Variants in BCL2 observed in about 807,000 individuals in gnomAD.
BCL2 encodes the protein apoptosis regulator Bcl-2.
Under a neutral mutation model 14.2 loss-of-function variants are expected in BCL2, and 1 was observed. That is an observed-to-expected ratio of 0.07 (90% CI 0.02 to 0.33). BCL2 has a LOEUF of 0.33. Ranked by LOEUF, BCL2 falls within the 10% of genes least tolerant of loss-of-function variation. BCL2 has a pLI of 0.99. For synonymous variants in BCL2, 151 were observed against 137.2 expected (o/e 1.10, Z -0.70); for missense variants, 247 against 305.9 (o/e 0.81, Z 1.44).
intron 2 of BCL2, among the ~76,000 whole-genome samples, chr18:63,268,512 G>GT (rs1568252718): frequency 6.6e-6 from 1 of 152,124 alleles, no homozygotes; most frequent in African/African-American, 2.4e-5. Context: ...CCCAGCTTCA[G>GT]TTTTTTTCAC....
chr18:63,152,290 C>T (rs576735708), intron 2 of BCL2, among the ~76,000 whole-genome samples: 3 of 152,304 alleles, frequency 2.0e-5, no homozygotes, highest in South Asian at 4.1e-4. Flanking sequence ...GGAGCAGAAT[C>T]GGAGCCTGCT....
chr18:63,295,886 C>T (rs1398008943), intron 2 of BCL2, among the ~76,000 whole-genome samples: 1 of 152,196 alleles, frequency 6.6e-6, no homozygotes, highest in Non-Finnish European at 1.5e-5. Flanking sequence ...GTGGGATCCA[C>T]CAACCTTGCT....
chr18:63,213,603 G>C (rs977143722), intron 2 of BCL2, among the ~76,000 whole-genome samples: 1 of 150,846 alleles, frequency 6.6e-6, no homozygotes, highest in Non-Finnish European at 1.5e-5. Context: ...TTGAGGCATT[G>C]TCTAATCCAC....
At chr18:63,163,885 C>G (rs1385440381) in intron 2 of BCL2, among the ~76,000 whole-genome samples, 1 of 152,336 alleles carries the variant, frequency 6.6e-6, no homozygotes, top group East Asian at 1.9e-4. Context: ...TCAGACTCTT[C>G]AGAGTCTGTG....
At chr18:63,268,622 G>T (rs372849825) in intron 2 of BCL2, among the ~76,000 whole-genome samples, 81 of 152,286 alleles carry the variant, frequency 5.3e-4, no homozygotes, top group African/African-American at 1.9e-3. Context: ...TTGGTTTCAC[G>T]ACAGTGTGGA....
chr18:63,225,587 T>C (rs1458386372), intron 2 of BCL2, among the ~76,000 whole-genome samples: 1 of 152,198 alleles, frequency 6.6e-6, no homozygotes, highest in African/African-American at 2.4e-5. Context: ...TTTGTGGTGA[T>C]GAAGCAGGAT....
chr18:63,143,265 G>A (rs186022831), intron 2 of BCL2, among the ~76,000 whole-genome samples: 6 of 152,360 alleles, frequency 3.9e-5, no homozygotes, highest in African/African-American at 1.4e-4. Context: ...GAAGCTGAAA[G>A]CAATCATGGA....
At chr18:63,219,013 G>T (rs1764941135) in intron 2 of BCL2, among the ~76,000 whole-genome samples, 1 of 152,114 alleles carries the variant, frequency 6.6e-6, no homozygotes, top group African/African-American at 2.4e-5. Context: ...TGAGTTGGTT[G>T]ATATCACTGC....
chr18:63,176,411 T>C (rs1915350092), intron 2 of BCL2, among the ~76,000 whole-genome samples: 1 of 152,180 alleles, frequency 6.6e-6, no homozygotes, highest in Non-Finnish European at 1.5e-5. Flanking sequence ...CAATAGGGTG[T>C]TTGCCTGCCT....
At chr18:63,147,316 C>G (rs1037594289) in intron 2 of BCL2, among the ~76,000 whole-genome samples, 4 of 152,102 alleles carry the variant, frequency 2.6e-5, no homozygotes, top group Admixed American at 1.3e-4. Flanking sequence ...TCTGGGACTC[C>G]GTTTTATGTT....
intron 2 of BCL2, among the ~76,000 whole-genome samples, chr18:63,228,456 G>A (rs1463805763): frequency 6.6e-6 from 1 of 152,008 alleles, no homozygotes; most frequent in Non-Finnish European, 1.5e-5. Flanking sequence ...ACCTCACCTT[G>A]CCTTATTTTT....
rs17759096 is a variant in BCL2, at chr18:63,263,490, G to C, written c.585+54592C>G. Among the ~76,000 whole-genome samples, 1,446 of 152,306 alleles carry C rather than the reference G, an allele frequency of 9.5e-3. 11 individuals carry two copies. Among genetic ancestry groups the C allele is most frequent in the Middle Eastern group, 0.02 (6 of 294 alleles). On this transcript the variant is annotated intron_variant, in intron 2 of 2. Transcript: ENST00000333681. ...GGCTGATGAGTGGCCCTTCTCCCTT[G>C]AATGGCCACCACATTGGACTGTATT... is the stretch of plus-strand genomic sequence containing the variant.
chr18:63,268,829 G>A (rs1239961920), intron 2 of BCL2, among the ~76,000 whole-genome samples: 2 of 152,112 alleles, frequency 1.3e-5, no homozygotes, highest in Non-Finnish European at 2.9e-5. Context: ...TGCCAGACAA[G>A]CTTTCTTTTT....
intron 2 of BCL2, among the ~76,000 whole-genome samples, chr18:63,257,952 A>C (rs1911531975): frequency 6.6e-6 from 1 of 152,238 alleles, no homozygotes; most frequent in African/African-American, 2.4e-5. Flanking sequence ...GTCCCCTCAA[A>C]AGATATGTTC....
chr18:63,137,251 G>A (rs1914230846), intron 2 of BCL2, among the ~76,000 whole-genome samples: 1 of 152,190 alleles, frequency 6.6e-6, no homozygotes, highest in Non-Finnish European at 1.5e-5. Context: ...CAAATCCCTA[G>A]GTTGAGCTAA....
chr18:63,136,101 C>A (rs1450446625), intron 2 of BCL2, among the ~76,000 whole-genome samples: 1 of 152,180 alleles, frequency 6.6e-6, no homozygotes, highest in East Asian at 1.9e-4. Flanking sequence ...CACCTCCTCC[C>A]TGGCCTATTC....
chr18:63,281,133 A>G (rs1215137099), intron 2 of BCL2, among the ~76,000 whole-genome samples: 2 of 152,150 alleles, frequency 1.3e-5, no homozygotes, highest in African/African-American at 4.8e-5. Context: ...AAGTTCATAG[A>G]GGCAGGCAGT....
intron 2 of BCL2, among the ~76,000 whole-genome samples, chr18:63,165,327 G>A (rs1006590447): frequency 1.3e-5 from 2 of 152,168 alleles, no homozygotes; most frequent in Admixed American, 1.3e-4. Flanking sequence ...GACTCTGTTG[G>A]TCTCTGTCCC....
At chr18:63,188,531 TTA>T (rs1357454985) in intron 2 of BCL2, among the ~76,000 whole-genome samples, 3 of 152,170 alleles carry the variant, frequency 2.0e-5, no homozygotes, top group Non-Finnish European at 4.4e-5. Flanking sequence ...TGGAGTTTAA[TTA>T]TATAGGTGAT....
Sources: gnomAD v4.1 joint callset for allele counts (sites outside exome capture counted in the v4.1 genomes callset) on GRCh38, gnomAD v4.1.1 for gene constraint, MANE v1.5 for transcripts, NCBI Gene and HGNC (gene_info 2026-07-23, HGNC 2026-07-21) for gene names.